Variants in SLC5A3 observed in about 807,000 individuals in gnomAD.
The protein encoded by SLC5A3 is sodium/myo-inositol cotransporter.
Under a neutral mutation model 43.2 loss-of-function variants are expected in SLC5A3, and 10 were observed. The ratio of observed to expected loss-of-function variants is 0.23; its 90% CI spans 0.14 to 0.39. SLC5A3 has a LOEUF of 0.39. Among genes scored for constraint, SLC5A3 ranks in the 10% least tolerant of loss-of-function variants. SLC5A3 has a pLI of 1.00. For missense variants in SLC5A3, 608 were observed against 893.4 expected (o/e 0.68, Z 4.07); for synonymous variants, 349 against 322.0 (o/e 1.08, Z -0.90).
At position 34,100,077 on chromosome 21, in the gene SLC5A3, G is replaced by C. The variant is rs774118176; in HGVS notation, c.*2722G>C. The C allele has an allele frequency of 7.3e-5, 73 of 997,828 alleles. No homozygotes were observed. Among genetic ancestry groups the C allele is most frequent in the Non-Finnish European group, 8.3e-5 (69 of 828,022 alleles). The allele number at this position is 997,828 out of a possible 1,614,324, so 61.8% of individuals were successfully genotyped here. A position where few individuals can be genotyped will look rare whatever the true frequency, so the allele number is the denominator to read the frequency against. ...CATTGGTCTTTAGACATTAACATGT[G>C]TATATTTTTATATTAGCTCAAGCTA... On this transcript the variant is annotated 3_prime_UTR_variant, in exon 2 of 2. Coordinates refer to ENST00000381151, the MANE Select transcript of SLC5A3 (RefSeq NM_006933.7).
intron 1 of SLC5A3, among the ~76,000 whole-genome samples, chr21:34,092,408 A>C (rs1978746064): frequency 6.6e-6 from 1 of 152,084 alleles, no homozygotes; most frequent in Non-Finnish European, 1.5e-5. Context: ...GTGAGAAGGG[A>C]ACTGTCCGCA....
rs1196347123 is a variant in SLC5A3, at chr21:34,096,542, G to A, written c.1344G>A (p.Leu448=). The change falls in exon 2 of 2, where the codon CTG becomes CTA. Residue 448 remains leucine, a synonymous_variant. Transcript: ENST00000381151. This position sits in a 1 kb window ranked among gnomAD's most constrained non-coding sequence, Gnocchi z 5.9. ...YLYIQEVADY[L]TPPVAALFLL... is the part of the protein sequence containing the mutation. ...ACATTCAGGAGGTAGCAGATTACCTGACACCCCCAGTGGCAGCCTTGTTCC... is the reference window on the plus strand; with the variant it reads ...ACATTCAGGAGGTAGCAGATTACCTAACACCCCCAGTGGCAGCCTTGTTCC... 6.2e-7 allele frequency: 1 copy of A among 1,614,030 alleles called. No individual in the cohort carries two copies. Among genetic ancestry groups the A allele is most frequent in the Non-Finnish European group, 8.5e-7 (1 of 1,180,004 alleles).
At position 34,098,098 on chromosome 21, in the gene SLC5A3, G is replaced by C; in HGVS notation, c.*743G>C. 1 of 999,094 alleles carries C rather than the reference G, an allele frequency of 1.0e-6. No homozygotes were observed. The highest frequency in any genetic ancestry group is 1.2e-6 in the Non-Finnish European group (1 of 829,178). 61.9% of individuals were successfully genotyped at this position (999,094 alleles called of 1,614,324 possible). A position where few individuals can be genotyped will look rare whatever the true frequency, so the allele number is the denominator to read the frequency against. On this transcript the variant is annotated 3_prime_UTR_variant, in exon 2 of 2. Coordinates refer to ENST00000381151, the MANE Select transcript of SLC5A3 (RefSeq NM_006933.7). ...ATGATTGTGTTGTTAAATGATTATG[G>C]GGGAGAAAATGAAGTAAATGTTGCT...
Position 34,100,145 on chromosome 21 carries a change from G to A in SLC5A3, c.*2790G>A, listed in dbSNP as rs1196108441. The A allele has an allele frequency of 1.8e-5, 18 of 999,722 alleles. No individual in the cohort carries two copies. Among genetic ancestry groups the A allele is most frequent in the African/African-American group, 5.2e-5 (3 of 57,212 alleles). 61.9% of individuals were successfully genotyped at this position (999,722 alleles called of 1,614,324 possible). ...TTGATATTGACTAGAATAGCTAAAA[G>A]TCAAAATGAGGTGAGGACACTGGTC... On this transcript the variant is annotated 3_prime_UTR_variant, in exon 2 of 2. Coordinates refer to ENST00000381151, the MANE Select transcript of SLC5A3 (RefSeq NM_006933.7).
chr21:34,093,875 C>T (rs767770455), intron 1 of SLC5A3, among the ~76,000 whole-genome samples: 12 of 152,116 alleles, frequency 7.9e-5, no homozygotes, highest in Non-Finnish European at 1.6e-4. Context: ...GAAGATTTAT[C>T]TAATGGTCCA....
In SLC5A3 at chr21:34,099,744, G is replaced by T. The variant is rs551601819; in HGVS notation, c.*2389G>T. The T allele has an allele frequency of 2.0e-6, 2 of 987,314 alleles. No homozygotes were observed. The highest frequency in any genetic ancestry group is 1.1e-4 in the East Asian group (1 of 8,776). The allele number at this position is 987,314 out of a possible 1,614,324, so 61.2% of individuals were successfully genotyped here. Reference sequence around the variant, plus strand: ...CTGTGTGTATATAGCAGTAGGTCAAGTTTAGAGTACTAAAGTCTGTAAATA... The same window carrying T: ...CTGTGTGTATATAGCAGTAGGTCAATTTTAGAGTACTAAAGTCTGTAAATA... On this transcript the variant is annotated 3_prime_UTR_variant, in exon 2 of 2. Coordinates refer to ENST00000381151, the MANE Select transcript of SLC5A3 (RefSeq NM_006933.7).
At position 34,095,780 on chromosome 21, in the gene SLC5A3, T is replaced by A. The variant is rs991995302; in HGVS notation, c.582T>A (p.Ile194=). ...TDTLQALLMI[I]GALTLMIISI... is the part of the protein sequence containing the mutation. ...CTCTGCAGGCTCTGCTCATGATCAT[T>A]GGGGCACTTACACTTATGATTATTA... Residue 194 remains isoleucine, a synonymous_variant, in exon 2 of 2, where the codon ATT becomes ATA. Coordinates refer to ENST00000381151, the MANE Select transcript of SLC5A3 (RefSeq NM_006933.7). The A allele has an allele frequency of 6.2e-7, 1 of 1,613,890 alleles. No homozygotes were observed. The highest frequency in any genetic ancestry group is 1.3e-5 in the African/African-American group (1 of 74,876).
In SLC5A3 at chr21:34,094,975, C is replaced by T. The variant is rs1011103233; in HGVS notation, c.-224C>T. On this transcript the variant is annotated 5_prime_UTR_variant, in exon 2 of 2. Transcript: ENST00000381151. ...GTGGATTAAGAGTACGAGCTAAGTTCTCAATCCCAATTAAGAAGCGGAAAA... is the reference window on the plus strand; with the variant it reads ...GTGGATTAAGAGTACGAGCTAAGTTTTCAATCCCAATTAAGAAGCGGAAAA... 28 of 533,794 alleles carry T rather than the reference C, an allele frequency of 5.2e-5. No homozygotes were observed. The highest frequency in any genetic ancestry group is 5.0e-4 in the African/African-American group (26 of 52,374). 33.1% of individuals were successfully genotyped at this position (533,794 alleles called of 1,614,324 possible).
rs1399815222 is a variant in SLC5A3 at position 34,098,036 on chromosome 21, GA to G, written c.*684del. ...CTTTCAAGTTTAAGTGAACCATACTGAAATGACCAACAAGTCTGCCTGTAAA... is the reference window on the plus strand; with the variant it reads ...CTTTCAAGTTTAAGTGAACCATACTGAATGACCAACAAGTCTGCCTGTAAA... On this transcript the variant is annotated 3_prime_UTR_variant, in exon 2 of 2. Coordinates refer to ENST00000381151, the MANE Select transcript of SLC5A3 (RefSeq NM_006933.7). The G allele has an allele frequency of 8.0e-6, 8 of 998,742 alleles. No individual in the cohort carries two copies. In the South Asian group the frequency reaches 2.4e-4, roughly 29 times the overall value. 61.9% of individuals were successfully genotyped at this position (998,742 alleles called of 1,614,324 possible).
rs1246549666 is a variant in SLC5A3, at chr21:34,073,604, C to T, written c.-478C>T. The T allele has an allele frequency of 2.7e-6, 3 of 1,091,208 alleles. No individual in the cohort carries two copies. Among genetic ancestry groups the T allele is most frequent in the Non-Finnish European group, 3.9e-6 (3 of 768,784 alleles). The allele number at this position is 1,091,208 out of a possible 1,614,324, so 67.6% of individuals were successfully genotyped here. On this transcript the variant is annotated 5_prime_UTR_variant, in exon 1 of 2. Transcript: ENST00000381151. ...CTTTCGCCGCCTGGGAGCCGTCCGG[C>T]GCAGCAGTTTCTAGGTCCCCACTGT...
chr21:34,089,762 A>G (rs1051199848), intron 1 of SLC5A3, among the ~76,000 whole-genome samples: 7 of 152,222 alleles, frequency 4.6e-5, no homozygotes, highest in African/African-American at 1.4e-4. Context: ...AACTTCACCC[A>G]TCAGAATACA....
chr21:34,076,147 T>C (rs938651813), intron 1 of SLC5A3, among the ~76,000 whole-genome samples: 1 of 152,214 alleles, frequency 6.6e-6, no homozygotes, highest in African/African-American at 2.4e-5. Context: ...ACAGCGGATA[T>C]GGAAGTTAAG....
Position 34,102,866 on chromosome 21 carries a change from G to A in SLC5A3, c.*5511G>A, listed in dbSNP as rs1298751162. On this transcript the variant is annotated 3_prime_UTR_variant, in exon 2 of 2. Coordinates refer to ENST00000381151, the MANE Select transcript of SLC5A3 (RefSeq NM_006933.7). ...TACATTCAGAGCTCTATCAATAAGA[G>A]GAATACATATTACAGTGAATTCGAC... The A allele has an allele frequency of 3.0e-6, 3 of 999,798 alleles. No homozygotes were observed. The highest frequency in any genetic ancestry group is 1.7e-5 in the African/African-American group (1 of 57,214). The allele number at this position is 999,798 out of a possible 1,614,324, so 61.9% of individuals were successfully genotyped here.
At position 34,103,147 on chromosome 21, in the gene SLC5A3, G is replaced by A; in HGVS notation, c.*5792G>A. Reference sequence around the variant, plus strand: ...TTGCAGAAATCCCAAACTGGCAAAGGCCAGTATATATGGTATTCCATAATA... The same window carrying A: ...TTGCAGAAATCCCAAACTGGCAAAGACCAGTATATATGGTATTCCATAATA... On this transcript the variant is annotated 3_prime_UTR_variant, in exon 2 of 2. Transcript: ENST00000381151. The A allele has an allele frequency of 2.0e-6, 2 of 999,940 alleles. No individual in the cohort carries two copies. The highest frequency in any genetic ancestry group is 2.4e-6 in the Non-Finnish European group (2 of 829,816). 61.9% of individuals were successfully genotyped at this position (999,940 alleles called of 1,614,324 possible). A position where few individuals can be genotyped will look rare whatever the true frequency, so the allele number is the denominator to read the frequency against.
Position 34,096,428 on chromosome 21 carries a change from G to T in SLC5A3, c.1230G>T (p.Val410=), listed in dbSNP as rs569028619. 1.2e-6 allele frequency: 2 copies of T among 1,614,218 alleles called. No homozygotes were observed. Among genetic ancestry groups the T allele is most frequent in the East Asian group, 4.5e-5 (2 of 44,892 alleles). ...KSASSRELMI[V]GRIFVAFMVV... The stretch of plus-strand genomic sequence containing the variant: ...CAAGCTCCCGGGAGTTAATGATTGT[G>T]GGGAGGATATTTGTGGCATTTATGG... The change falls in exon 2 of 2, where the codon GTG becomes GTT. Residue 410 remains valine (V), a synonymous_variant. Coordinates refer to ENST00000381151, the MANE Select transcript of SLC5A3 (RefSeq NM_006933.7). This position sits in a 1 kb window ranked among gnomAD's most constrained non-coding sequence, Gnocchi z 5.9.
rs1978997054 is a variant in SLC5A3 at position 34,097,068 on chromosome 21, G to T, written c.1870G>T (p.Ala624Ser). Residue 624 changes from alanine (A) to serine (S), a missense_variant, in exon 2 of 2, where the codon GCA (alanine) becomes TCA (serine). Ala to Ser is a moderately conservative substitution (Grantham distance 99). This residue lies in a region of SLC5A3 where 210 missense variants were observed against 224.8 expected (regional missense o/e 0.93). Transcript: ENST00000381151. Reference sequence around the variant, plus strand: ...AGTGGCATCCTTAGGTCATTCAGAGGCAGAAACACCAGTTGACGCTTACTC... The same window carrying T: ...AGTGGCATCCTTAGGTCATTCAGAGTCAGAAACACCAGTTGACGCTTACTC... ...NPVASLGHSE[A>S]ETPVDAYSNG... 6.2e-7 allele frequency: 1 copy of T among 1,614,116 alleles called. No homozygotes were observed. Among genetic ancestry groups the T allele is most frequent in the Non-Finnish European group, 8.5e-7 (1 of 1,179,998 alleles).
In SLC5A3 at chr21:34,095,361, CTGTT is replaced by C. The variant is rs1978919538; in HGVS notation, c.167_170del (p.Phe56Ter). 7 of 1,614,004 alleles carry C rather than the reference CTGTT, an allele frequency of 4.3e-6. No homozygotes were observed. Among genetic ancestry groups the C allele is most frequent in the Non-Finnish European group, 5.9e-6 (7 of 1,179,996 alleles). ...GACCTGGGTAGCAATTGGTGCCTCTCTGTTTGTGAGCAATATTGGGAGTGAGCAC... is the reference window on the plus strand; with the variant it reads ...GACCTGGGTAGCAATTGGTGCCTCTCTGTGAGCAATATTGGGAGTGAGCAC... On this transcript the variant is annotated frameshift_variant, in exon 2 of 2. Coordinates refer to ENST00000381151, the MANE Select transcript of SLC5A3 (RefSeq NM_006933.7). LOFTEE classifies it high-confidence loss of function.
chr21:34,103,755 G>A lies in SLC5A3; in HGVS notation c.*6400G>A, dbSNP rs1432303289. 3.0e-6 allele frequency: 3 copies of A among 999,800 alleles called. No individual in the cohort carries two copies. The highest frequency in any genetic ancestry group is 3.5e-5 in the African/African-American group (2 of 57,232). The allele number at this position is 999,800 out of a possible 1,614,324, so 61.9% of individuals were successfully genotyped here. A position where few individuals can be genotyped will look rare whatever the true frequency, so the allele number is the denominator to read the frequency against. On this transcript the variant is annotated 3_prime_UTR_variant, in exon 2 of 2. Transcript: ENST00000381151. ...ATCTAAACTGGTCCTAATGGTAAGG[G>A]ACCCAAAGGAATAATCTCAATAAGT...
At chr21:34,078,271 T>A (rs1047706076) in intron 1 of SLC5A3, among the ~76,000 whole-genome samples, 2 of 152,164 alleles carry the variant, frequency 1.3e-5, no homozygotes, top group African/African-American at 2.4e-5. Flanking sequence ...GACTTGACCC[T>A]GTGAACAATG....
Sources: allele counts gnomAD v4.1 joint callset (sites outside exome capture counted in the v4.1 genomes callset), GRCh38; gene constraint gnomAD v4.1.1; regional missense constraint gnomAD v4.1.1; non-coding constraint Gnocchi (gnomAD v3.1); transcripts MANE v1.5; gene names NCBI Gene and HGNC (gene_info 2026-07-23, HGNC 2026-07-21).